The following RBFOX1 variants were observed in gnomAD, a reference collection of about 807,000 sequenced individuals.
RBFOX1 encodes the protein RNA binding protein fox-1 homolog 1.
RBFOX1 carries 8 observed loss-of-function variants against 57.7 expected under a neutral mutation model. The ratio of observed to expected loss-of-function variants is 0.14; its 90% CI spans 0.08 to 0.25. The LOEUF (loss-of-function observed/expected upper bound fraction) is 0.25. Ranked by LOEUF, RBFOX1 falls within the 10% of genes least tolerant of loss-of-function variation. The pLI, the probability that RBFOX1 is intolerant of heterozygous loss-of-function variation, is 1.00. For missense variants in RBFOX1, 611 were observed against 548.5 expected (o/e 1.11, Z -1.14); for synonymous variants, 326 against 222.4 (o/e 1.47, Z -4.15).
chr16:5,996,269 T>G (rs944999292), intron 4 of RBFOX1, among the ~76,000 whole-genome samples: 1 of 152,110 alleles, frequency 6.6e-6, no homozygotes, highest in Admixed American at 6.5e-5. Context: ...TTTCTCTACA[T>G]CCGCACCATG....
intron 4 of RBFOX1, among the ~76,000 whole-genome samples, chr16:7,290,324 T>C (rs1161767380): frequency 1.3e-5 from 2 of 152,184 alleles, no homozygotes; most frequent in Non-Finnish European, 1.5e-5. Flanking sequence ...TTTCAGTCTT[T>C]TAATTTGTTG....
At chr16:6,545,256 T>A (rs2096879136) in intron 2 of RBFOX1, among the ~76,000 whole-genome samples, 1 of 152,204 alleles carries the variant, frequency 6.6e-6, no homozygotes, top group South Asian at 2.1e-4. Flanking sequence ...GTTGATCCTT[T>A]TAATATTCAA....
intron 2 of RBFOX1, among the ~76,000 whole-genome samples, chr16:6,380,132 G>C (rs1018334576): frequency 1.3e-5 from 2 of 152,114 alleles, no homozygotes; most frequent in African/African-American, 4.8e-5. Context: ...GGTGGGGGAG[G>C]TTGAAGATGG....
At chr16:6,617,763 G>A (rs1472162141) in intron 2 of RBFOX1, among the ~76,000 whole-genome samples, 1 of 152,136 alleles carries the variant, frequency 6.6e-6, no homozygotes, top group South Asian at 2.1e-4. Context: ...GAGGAAATAT[G>A]GCAAGACAGT....
chr16:7,310,919 C>T (rs1050593806), intron 4 of RBFOX1, among the ~76,000 whole-genome samples: 3 of 152,184 alleles, frequency 2.0e-5, no homozygotes, highest in Non-Finnish European at 4.4e-5. Flanking sequence ...TCTTTGCCAT[C>T]TTGTGAACCA....
intron 3 of RBFOX1, among the ~76,000 whole-genome samples, chr16:6,677,463 C>A (rs2057929937): frequency 6.6e-6 from 1 of 152,106 alleles, no homozygotes; most frequent in African/African-American, 2.4e-5. Context: ...CTACCTACAT[C>A]AAAAGATCCT....
At chr16:7,178,867 C>T (rs753245768) in intron 4 of RBFOX1, among the ~76,000 whole-genome samples, 3 of 152,126 alleles carry the variant, frequency 2.0e-5, no homozygotes, top group Non-Finnish European at 4.4e-5. Context: ...TTCTTTACTT[C>T]CTGTACTGAT....
intron 10 of RBFOX1, among the ~76,000 whole-genome samples, chr16:7,622,247 T>C (rs2059424321): frequency 1.3e-5 from 2 of 152,186 alleles, no homozygotes; most frequent in South Asian, 4.1e-4. Flanking sequence ...AAAAGAGTTC[T>C]CTATGCTTCA....
chr16:7,610,403 G>A (rs901523912), intron 10 of RBFOX1, among the ~76,000 whole-genome samples: 1 of 151,438 alleles, frequency 6.6e-6, no homozygotes, highest in Admixed American at 6.6e-5. Flanking sequence ...AATATTAAAG[G>A]TCATGATTCC....
chr16:7,489,502 A>AATT (rs2066348682), intron 4 of RBFOX1, among the ~76,000 whole-genome samples: 1 of 115,780 alleles, frequency 8.6e-6, no homozygotes, highest in East Asian at 4.4e-4. Flanking sequence ...TTGGAGAGAG[A>AATT]ATTATTATTA....
At chr16:6,410,177 TGTGTGTGTG>T (rs2093412785) in intron 2 of RBFOX1, among the ~76,000 whole-genome samples, 1 of 51,192 alleles carries the variant, frequency 2.0e-5, no homozygotes, top group Non-Finnish European at 5.8e-5. Flanking sequence ...GCTGTGTGTG[TGTGTGTGTG>T]TGTGTGTGTG....
chr16:6,727,368 C>G (rs1485852214), intron 3 of RBFOX1, among the ~76,000 whole-genome samples: 4 of 151,860 alleles, frequency 2.6e-5, no homozygotes, highest in African/African-American at 9.7e-5. Flanking sequence ...AGAATATTTT[C>G]TTAAGTATCC....
At position 6,498,863 on chromosome 16, in the gene RBFOX1, T is replaced by A. The variant is rs1209140254; in HGVS notation, c.-63-155740T>A. On this transcript the variant is annotated intron_variant, in intron 2 of 15. Coordinates refer to ENST00000550418, the MANE Select transcript of RBFOX1 (RefSeq NM_018723.4). Reference sequence around the variant, plus strand: ...ATGCATGGTAAAAGCCATGGCACAGTTAGTATCTGATCCCTCAACTAAAAT... The same window carrying A: ...ATGCATGGTAAAAGCCATGGCACAGATAGTATCTGATCCCTCAACTAAAAT... Among the ~76,000 whole-genome samples, 4 of 152,198 alleles carry A rather than the reference T, an allele frequency of 2.6e-5. No individual in the cohort carries two copies. The East Asian group carries it at 5.8e-4, about 22-fold the overall frequency.
intron 1 of RBFOX1, among the ~76,000 whole-genome samples, chr16:6,231,311 G>C (rs1354311730): frequency 6.6e-6 from 1 of 151,520 alleles, no homozygotes; most frequent in Non-Finnish European, 1.5e-5. Flanking sequence ...GGGATATGTT[G>C]AAAGATGAAG....
intron 4 of RBFOX1, among the ~76,000 whole-genome samples, chr16:7,386,158 C>T (rs1481562193): frequency 6.6e-6 from 1 of 151,990 alleles, no homozygotes; most frequent in Admixed American, 6.6e-5. Flanking sequence ...TCCCAACAGC[C>T]TCAGAGATAT....
intron 2 of RBFOX1, among the ~76,000 whole-genome samples, chr16:6,490,803 G>C (rs1263493642): frequency 6.6e-6 from 1 of 152,132 alleles, no homozygotes; most frequent in African/African-American, 2.4e-5. Flanking sequence ...TATATTTCAG[G>C]CCCAATAAAC....
intron 3 of RBFOX1, among the ~76,000 whole-genome samples, chr16:5,628,717 A>C (rs937288753): frequency 6.6e-6 from 1 of 152,216 alleles, no homozygotes; most frequent in South Asian, 2.1e-4. Flanking sequence ...GGGTTGACAT[A>C]GCAGTCTCTT....
chr16:6,720,676 A>G (rs1220414422), intron 3 of RBFOX1, among the ~76,000 whole-genome samples: 1 of 152,244 alleles, frequency 6.6e-6, no homozygotes, highest in Non-Finnish European at 1.5e-5. Flanking sequence ...GACATGTGTC[A>G]GGAAGAGCTA....
intron 3 of RBFOX1, among the ~76,000 whole-genome samples, chr16:6,958,006 G>T (rs557463544): frequency 9.2e-4 from 140 of 152,240 alleles, no homozygotes; most frequent in South Asian, 5.8e-3. Context: ...GGTGGGAAGG[G>T]ACTACTCAGG....
Sources: gnomAD v4.1 joint callset for allele counts (sites outside exome capture counted in the v4.1 genomes callset) on GRCh38, gnomAD v4.1.1 for gene constraint, MANE v1.5 for transcripts, NCBI Gene and HGNC (gene_info 2026-07-23, HGNC 2026-07-21) for gene names.